Variants in ZRSR2 observed in about 807,000 individuals in gnomAD.
ZRSR2 encodes U2 small nuclear ribonucleoprotein auxiliary factor 35 kDa subunit-related protein 2.
In ZRSR2, 3 loss-of-function variants were observed where a neutral mutation model predicts 39.4. The ratio of observed to expected loss-of-function variants is 0.08; its 90% CI spans 0.03 to 0.20. The LOEUF (loss-of-function observed/expected upper bound fraction) is 0.20. ZRSR2 is among the 10% of genes least tolerant of loss of function. ZRSR2 has a pLI of 1.00. For missense variants in ZRSR2, 256 were observed against 391.5 expected (o/e 0.65, Z 2.92); for synonymous variants, 137 against 136.0 (o/e 1.01, Z -0.05).
Position 15,822,954 on chromosome X carries a change from C to T in ZRSR2, c.1161C>T (p.His387=), listed in dbSNP as rs770882094. The change falls in exon 11 of 11, where the codon CAC becomes CAT. Residue 387 remains histidine (H), a synonymous_variant. Transcript: ENST00000307771. Reference sequence around the variant, plus strand: ...GAAGGAGAAACCCTAGTCCAGACCACTCCTACAAAAGAAATGGGGAATCCG... The same window carrying T: ...GAAGGAGAAACCCTAGTCCAGACCATTCCTACAAAAGAAATGGGGAATCCG... The part of the protein sequence containing the change: ...LRGRRNPSPD[H]SYKRNGESER... The T allele has an allele frequency of 4.1e-6, 5 of 1,212,412 alleles. No individual in the cohort carries two copies. Among genetic ancestry groups the T allele is most frequent in the Non-Finnish European group, 5.6e-6 (5 of 895,694 alleles).
chrX:15,812,037 C>T (rs1011840969), intron 7 of ZRSR2, among the ~76,000 whole-genome samples: 1 of 111,611 alleles, frequency 9.0e-6, no homozygotes, highest in Non-Finnish European at 1.9e-5. Context: ...TCGCGCCATT[C>T]TCCTGCCTCA....
chrX:15,818,740 A>G (rs1245538619), intron 9 of ZRSR2, 98 bp downstream of exon 9: 1 of 644,495 alleles, frequency 1.6e-6, no homozygotes, highest in Non-Finnish European at 2.3e-6. Flanking sequence ...TATAACTTTC[A>G]TGTATTTTAT....
At chrX:15,822,611 T>C (rs1226664101) in intron 10 of ZRSR2, 120 bp from the exon 11 acceptor site, 1 of 1,137,731 alleles carries the variant, frequency 8.8e-7, no homozygotes, top group African/African-American at 1.8e-5. Flanking sequence ...TTTTACATAA[T>C]ACACAGTAGA....
chrX:15,813,213 A>G (rs1049041904), intron 7 of ZRSR2, among the ~76,000 whole-genome samples: 2 of 112,216 alleles, frequency 1.8e-5, no homozygotes, highest in South Asian at 3.7e-4. Flanking sequence ...GTAATATCCA[A>G]CAACTGTGGG....
intron 7 of ZRSR2, among the ~76,000 whole-genome samples, chrX:15,815,365 C>T (rs1172653068): frequency 8.9e-6 from 1 of 112,831 alleles, no homozygotes; most frequent in African/African-American, 3.2e-5. Context: ...GGCACAATCT[C>T]AGCTCACTGT....
At chrX:15,795,270 C>A (rs545405038) in intron 2 of ZRSR2, among the ~76,000 whole-genome samples, 6 of 110,680 alleles carry the variant, frequency 5.4e-5, no homozygotes, top group Middle Eastern at 4.6e-3. Flanking sequence ...ATAATCTTTA[C>A]ACACTTTCTT....
chrX:15,796,502 T>C (rs1932464569), intron 2 of ZRSR2, among the ~76,000 whole-genome samples: 1 of 89,500 alleles, frequency 1.1e-5, no homozygotes. Flanking sequence ...TTCTTCCTTC[T>C]GTACCTCATT....
At chrX:15,820,385 G>A in intron 10 of ZRSR2, 69 bp downstream of exon 10, 1 of 1,016,329 alleles carries the variant, frequency 9.8e-7, no homozygotes, top group Admixed American at 2.3e-5. Flanking sequence ...TTCTTTGGGG[G>A]AAACCCAGTA....
At chrX:15,803,849 ACT>A in intron 4 of ZRSR2, 53 bp downstream of exon 4, 1 of 1,162,863 alleles carries the variant, frequency 8.6e-7, no homozygotes, top group Non-Finnish European at 1.1e-6. Flanking sequence ...CACCATAATA[ACT>A]CTCATGAAGA....
rs749261744 is a variant in ZRSR2, at chrX:15,790,670, G to T, written c.41+134G>T. 303 of 898,484 alleles carry T rather than the reference G, an allele frequency of 3.4e-4. 2 individuals are homozygous for T. In the African/African-American group the frequency reaches 5.4e-3, roughly 16 times the overall value. 74.0% of individuals were successfully genotyped at this position (898,484 alleles called of 1,213,427 possible). The stretch of plus-strand genomic sequence containing the variant: ...GCAGCTCCATTCCTTCCTGGTGCGC[G>T]CTCTGGTGCCCTCCCCGGACTTGCA... On this transcript the variant is annotated intron_variant, in intron 1 of 10. Transcript: ENST00000307771.
intron 5 of ZRSR2, among the ~76,000 whole-genome samples, chrX:15,805,215 C>G (rs1354544002): frequency 8.9e-6 from 1 of 111,801 alleles, no homozygotes; most frequent in Non-Finnish European, 1.9e-5. Context: ...TTTTAAACAC[C>G]TTTATTTGAG....
chrX:15,797,425 G>A (rs1405536811), intron 2 of ZRSR2, among the ~76,000 whole-genome samples: 1 of 109,820 alleles, frequency 9.1e-6, no homozygotes, highest in Non-Finnish European at 1.9e-5. Context: ...GGCCAGGCTG[G>A]TCTCGAACTC....
At chrX:15,804,835 T>C (rs900333483) in intron 5 of ZRSR2, among the ~76,000 whole-genome samples, 6 of 108,423 alleles carry the variant, frequency 5.5e-5, no homozygotes, top group African/African-American at 1.7e-4. Flanking sequence ...CTCTTCCACT[T>C]AGGCTATGAA....
intron 2 of ZRSR2, among the ~76,000 whole-genome samples, chrX:15,797,645 C>A (rs1358782207): frequency 9.0e-6 from 1 of 110,820 alleles, no homozygotes; most frequent in African/African-American, 3.3e-5. Flanking sequence ...ATGCCACTTA[C>A]CTATTTTTTT....
chrX:15,795,642 C>G (rs1462612230), intron 2 of ZRSR2, among the ~76,000 whole-genome samples: 1 of 111,722 alleles, frequency 9.0e-6, no homozygotes, highest in East Asian at 2.8e-4. Context: ...CTTTTCCCTT[C>G]AAGGATTGGG....
intron 5 of ZRSR2, 189 bp downstream of exon 5, chrX:15,804,386 A>G (rs1932759377): frequency 2.8e-6 from 1 of 351,368 alleles, no homozygotes; most frequent in Non-Finnish European, 3.7e-6. Context: ...GCAGTGGCAG[A>G]TTCCTTAAAG....
Position 15,799,907 on chromosome X carries a change from A to C in ZRSR2, c.157A>C (p.Ile53Leu). ...GAAGGAGGAAGAGGAGGACACTTTTATTGAAGAACAACAACTAGAAGAAGA... is the reference window on the plus strand; with the variant it reads ...GAAGGAGGAAGAGGAGGACACTTTTCTTGAAGAACAACAACTAGAAGAAGA... Reference protein sequence around the residue: ...SQKEEEEDTFIEEQQLEEEKL... With the variant: ...SQKEEEEDTFLEEQQLEEEKL... Residue 53 changes from isoleucine (I) to leucine (L), a missense_variant, in exon 3 of 11, where the codon ATT becomes CTT. By Grantham distance (5) the Ile-to-Leu change is conservative. Around this residue, in one of 3 missense-constraint regions of ZRSR2, gnomAD observed 87 missense variants for 111.7 expected, o/e 0.78. Transcript: ENST00000307771. 1 of 1,205,808 alleles carries C rather than the reference A, an allele frequency of 8.3e-7. No individual in the cohort carries two copies. Among genetic ancestry groups the C allele is most frequent in the Non-Finnish European group, 1.1e-6 (1 of 891,331 alleles).
chrX:15,806,646 C>T (rs970747736), intron 5 of ZRSR2, among the ~76,000 whole-genome samples: 3 of 109,089 alleles, frequency 2.8e-5, no homozygotes, highest in Admixed American at 9.8e-5. Context: ...AGGCTGGTCT[C>T]GAGCTCCTGA....
intron 8 of ZRSR2, among the ~76,000 whole-genome samples, chrX:15,816,785 A>AC (rs1169815911): frequency 3.6e-5 from 4 of 110,893 alleles, no homozygotes; most frequent in Non-Finnish European, 5.7e-5. Context: ...AAGTTGGAAC[A>AC]CCCCCCCAAA....
Sources: allele counts gnomAD v4.1 joint callset (sites outside exome capture counted in the v4.1 genomes callset), GRCh38; gene constraint gnomAD v4.1.1; regional missense constraint gnomAD v4.1.1; transcripts MANE v1.5; gene names NCBI Gene and HGNC (gene_info 2026-07-23, HGNC 2026-07-21).